C2orf76: variants seen among roughly 807,000 people sequenced by gnomAD.
C2orf76 encodes UPF0538 protein C2orf76.
C2orf76 carries 23 observed loss-of-function variants against 16.9 expected under a neutral mutation model. The ratio of observed to expected loss-of-function variants is 1.36; its 90% confidence interval spans 0.98 to 1.93. C2orf76 has a LOEUF of 1.93. Ranked by LOEUF, C2orf76 falls within the 30% of genes most tolerant of loss-of-function variation. The pLI is 0.00. For synonymous variants in C2orf76, 48 were observed against 52.3 expected (o/e 0.92, Z 0.35); for missense variants, 152 against 152.6 (o/e 1.00, Z 0.02).
chr2:119,353,980 A>G (rs919857986), intron 1 of C2orf76, among the ~76,000 whole-genome samples: 1 of 152,196 alleles, frequency 6.6e-6, no homozygotes, highest in Non-Finnish European at 1.5e-5. Flanking sequence ...TCTATGGTTA[A>G]CAGTACATTA....
intron 2 of C2orf76, among the ~76,000 whole-genome samples, chr2:119,336,631 G>C (rs1395190153): frequency 6.6e-6 from 1 of 151,886 alleles, no homozygotes; most frequent in Non-Finnish European, 1.5e-5. Flanking sequence ...ACATGACTAC[G>C]AAAGAAAAGA....
the C2orf76 span, among the ~76,000 whole-genome samples, chr2:119,292,462 T>C: frequency 3.3e-5 from 5 of 152,160 alleles, no homozygotes; most frequent in African/African-American, 1.2e-4. Flanking sequence ...GTCAGCCGCA[T>C]GAAAATGCAA....
At chr2:119,336,398 T>A (rs1411222058) in intron 2 of C2orf76, among the ~76,000 whole-genome samples, 1 of 151,918 alleles carries the variant, frequency 6.6e-6, no homozygotes, top group African/African-American at 2.4e-5. Context: ...TCAAAATAAA[T>A]AAATAAATTT....
intron 1 of C2orf76, among the ~76,000 whole-genome samples, chr2:119,351,561 G>A (rs1438235434): frequency 6.6e-6 from 1 of 152,022 alleles, no homozygotes; most frequent in Admixed American, 6.6e-5. Context: ...GATCAGCCTG[G>A]GCAACATAGC....
the C2orf76 span, among the ~76,000 whole-genome samples, chr2:119,289,773 C>G: frequency 1.3e-5 from 2 of 151,740 alleles, no homozygotes; most frequent in East Asian, 3.9e-4. Context: ...ATAAAGAGAC[C>G]CTGCCACTTT....
At chr2:119,293,702 C>G in the C2orf76 span, among the ~76,000 whole-genome samples, 1 of 152,192 alleles carries the variant, frequency 6.6e-6, no homozygotes, top group Non-Finnish European at 1.5e-5. Flanking sequence ...GTGAGAGGCG[C>G]CTGGGCCCTG....
At chr2:119,323,568 C>T (rs1679415125) in intron 2 of C2orf76, among the ~76,000 whole-genome samples, 1 of 152,074 alleles carries the variant, frequency 6.6e-6, no homozygotes, top group Non-Finnish European at 1.5e-5. Context: ...GTCAGGATCA[C>T]CCAGCCTGGC....
intron 2 of C2orf76, among the ~76,000 whole-genome samples, chr2:119,333,222 G>A (rs926413083): frequency 1.3e-5 from 2 of 152,196 alleles, no homozygotes; most frequent in Admixed American, 1.3e-4. Flanking sequence ...CAAAAAAAGA[G>A]AGGCTTCAAG....
chr2:119,315,179 A>AATACACACACAC (rs777567003), intron 4 of C2orf76, among the ~76,000 whole-genome samples: 1 of 151,974 alleles, frequency 6.6e-6, no homozygotes, highest in African/African-American at 2.4e-5. Context: ...TACCATCCAT[A>AATACACACACAC]ATACACACAC....
chr2:119,309,576 C>T (rs937623521), intron 5 of C2orf76, among the ~76,000 whole-genome samples: 36 of 151,534 alleles, frequency 2.4e-4, no homozygotes, highest in African/African-American at 7.8e-4. Context: ...TGTGCCACCA[C>T]ACCTGGCTAA....
At chr2:119,323,453 C>T (rs144589831) in intron 2 of C2orf76, among the ~76,000 whole-genome samples, 104 of 152,200 alleles carry the variant, frequency 6.8e-4, no homozygotes, top group African/African-American at 2.3e-3. Flanking sequence ...AAAAGAGGAG[C>T]TGCCCACTCA....
intron 5 of C2orf76, among the ~76,000 whole-genome samples, chr2:119,305,651 C>T (rs554016283): frequency 3.9e-5 from 6 of 152,094 alleles, no homozygotes; most frequent in South Asian, 4.2e-4. Context: ...ACAGGAAGGG[C>T]GAGGTGTGGC....
chr2:119,346,432 C>T (rs1475443068), intron 1 of C2orf76, among the ~76,000 whole-genome samples: 1 of 152,034 alleles, frequency 6.6e-6, no homozygotes, highest in East Asian at 1.9e-4. Flanking sequence ...GCAGTATATC[C>T]ATATCATGAA....
At chr2:119,344,273 C>G (rs2104614251) in intron 1 of C2orf76, among the ~76,000 whole-genome samples, 1 of 152,288 alleles carries the variant, frequency 6.6e-6, no homozygotes, top group African/African-American at 2.4e-5. Context: ...GAGGAGCTGC[C>G]TCAGCTTAGA....
chr2:119,312,585 C>G (rs997575649), intron 4 of C2orf76, among the ~76,000 whole-genome samples: 8 of 152,132 alleles, frequency 5.3e-5, no homozygotes, highest in Non-Finnish European at 1.0e-4. Context: ...GTCCACATAT[C>G]TAAAAACCTT....
intron 2 of C2orf76, among the ~76,000 whole-genome samples, chr2:119,332,695 G>A (rs72829490): frequency 0.11 from 16,074 of 152,080 alleles, 960 homozygotes; most frequent in South Asian, 0.16. Flanking sequence ...TTTTACTCTC[G>A]TTCCAAAGAC....
intron 5 of C2orf76, among the ~76,000 whole-genome samples, chr2:119,308,506 T>G (rs1678871225): frequency 6.6e-6 from 1 of 152,160 alleles, no homozygotes; most frequent in South Asian, 2.1e-4. Flanking sequence ...CTGGGCATGG[T>G]GGTGCACACC....
intron 2 of C2orf76, among the ~76,000 whole-genome samples, chr2:119,328,182 T>A (rs551316662): frequency 5.3e-5 from 8 of 152,298 alleles, no homozygotes; most frequent in African/African-American, 1.9e-4. Flanking sequence ...TCTGGAAGAA[T>A]CTCTGTAGAA....
intron 2 of C2orf76, among the ~76,000 whole-genome samples, chr2:119,325,000 G>A (rs1193182940): frequency 6.6e-6 from 1 of 152,094 alleles, no homozygotes; most frequent in Non-Finnish European, 1.5e-5. Context: ...CCACCTAGAA[G>A]TGGAATGGCT....
Sources: allele counts gnomAD v4.1 joint callset (sites outside exome capture counted in the v4.1 genomes callset), GRCh38; gene constraint gnomAD v4.1.1; transcripts MANE v1.5; gene names NCBI Gene and HGNC (gene_info 2026-07-23, HGNC 2026-07-21).